The following WDR26 variants were observed in gnomAD, a reference collection of about 807,000 sequenced individuals.
The protein encoded by WDR26 is WD repeat-containing protein 26.
Under a neutral mutation model 84.1 loss-of-function variants are expected in WDR26, and 5 were observed. The observed-to-expected ratio is 0.06, with a 90% CI of 0.03 to 0.13. The LOEUF (loss-of-function observed/expected upper bound fraction) is 0.13, where lower values mean the gene tolerates loss of function less well. Ranked by LOEUF, WDR26 falls within the 10% of genes least tolerant of loss-of-function variation. The probability of loss-of-function intolerance (pLI) is 1.00; values close to 1 mark genes in which losing one functional copy is unlikely to be tolerated. For synonymous variants in WDR26, 415 were observed against 389.6 expected (o/e 1.07, Z -0.77); for missense variants, 642 against 974.9 (o/e 0.66, Z 4.55).
chr1:224,417,824 C>T (rs935509191), intron 6 of WDR26, among the ~76,000 whole-genome samples: 1 of 152,166 alleles, frequency 6.6e-6, no homozygotes, highest in Non-Finnish European at 1.5e-5. Flanking sequence ...TGAATTCTTA[C>T]AAGTTAAATT....
intron 1 of WDR26, among the ~76,000 whole-genome samples, chr1:224,432,901 G>C (rs1009802247): frequency 1.2e-4 from 18 of 152,082 alleles, no homozygotes; most frequent in African/African-American, 4.4e-4. Flanking sequence ...GTCCAAGGTC[G>C]CTGTCTACCT....
At chr1:224,400,671 G>A (rs35169600) in intron 9 of WDR26, among the ~76,000 whole-genome samples, 43,658 of 151,872 alleles carry the variant, frequency 0.29, 7,865 homozygotes, top group African/African-American at 0.5. Context: ...TCAGCCTCCC[G>A]AGTAGCTGGG....
intron 4 of WDR26, 135 bp from the exon 5 acceptor site, chr1:224,419,750 A>G: frequency 1.6e-6 from 1 of 641,940 alleles, no homozygotes; most frequent in East Asian, 2.8e-5. Flanking sequence ...GACTCAATTC[A>G]TTAATATAAT....
chr1:224,420,969 T>C (rs1674044868), intron 4 of WDR26, among the ~76,000 whole-genome samples: 1 of 152,232 alleles, frequency 6.6e-6, no homozygotes, highest in Non-Finnish European at 1.5e-5. Context: ...TCAATAATTA[T>C]ATTTTAAAAT....
At chr1:224,407,486 C>CATAT (rs35396542) in intron 7 of WDR26, among the ~76,000 whole-genome samples, 4,298 of 143,034 alleles carry the variant, frequency 0.03, 237 homozygotes, top group African/African-American at 0.1. Flanking sequence ...TCAAAAAGGG[C>CATAT]ATATATATAT....
chr1:224,424,773 A>G (rs892372879), intron 3 of WDR26, 119 bp from the exon 4 acceptor site: 2 of 1,326,862 alleles, frequency 1.5e-6, no homozygotes, highest in African/African-American at 2.9e-5. Flanking sequence ...AACTTTTTAT[A>G]AAGCTTCAAG....
intron 3 of WDR26, among the ~76,000 whole-genome samples, chr1:224,425,182 T>C (rs1453594329): frequency 6.6e-6 from 1 of 152,216 alleles, no homozygotes; most frequent in Non-Finnish European, 1.5e-5. Flanking sequence ...GAGAAAAGTA[T>C]ATTTTGGCTT....
Position 224,434,352 on chromosome 1 carries a change from C to G in WDR26, c.54G>C (p.Ser18=). The G allele has an allele frequency of 8.2e-7, 1 of 1,219,266 alleles. No homozygotes were observed. The highest frequency in any genetic ancestry group is 1.0e-6 in the Non-Finnish European group (1 of 981,248). 75.5% of individuals were successfully genotyped at this position (1,219,266 alleles called of 1,614,324 possible). Residue 18 remains serine, a synonymous_variant, in exon 1 of 14, where the codon TCG becomes TCC. Coordinates refer to ENST00000414423, the MANE Select transcript of WDR26 (RefSeq NM_001379403.1). ...GGGGCGGGGAGGCTCCGCCGGTGTC[C>G]GAGTCGGAGGAGGAGGAAGCGGAGG...
intron 4 of WDR26, among the ~76,000 whole-genome samples, chr1:224,420,272 T>C (rs1427944943): frequency 6.6e-6 from 1 of 152,204 alleles, no homozygotes; most frequent in Non-Finnish European, 1.5e-5. Flanking sequence ...AATGCTAAAG[T>C]TCACAGATTC....
chr1:224,433,910 C>T lies in WDR26; in HGVS notation c.496G>A (p.Ala166Thr), dbSNP rs1572227004. ...AGGCTGTTGCTATTGTTGCTGGCGGCGGAGGGGGCGGAAGGCAGGAGCCCA... is the reference window on the plus strand; with the variant it reads ...AGGCTGTTGCTATTGTTGCTGGCGGTGGAGGGGGCGGAAGGCAGGAGCCCA... Residue 166 changes from alanine to threonine, a missense_variant, in exon 1 of 14, where the codon GCC becomes ACC. Around this residue, in one of 2 missense-constraint regions of WDR26, gnomAD observed 291 missense variants for 302.1 expected, o/e 0.96. Coordinates refer to ENST00000414423, the MANE Select transcript of WDR26 (RefSeq NM_001379403.1). The T allele has an allele frequency of 2.0e-6, 3 of 1,536,586 alleles. No homozygotes were observed. The highest frequency in any genetic ancestry group is 2.6e-6 in the Non-Finnish European group (3 of 1,146,672).
At chr1:224,390,608 C>G (rs1352429255) in intron 13 of WDR26, among the ~76,000 whole-genome samples, 1 of 152,138 alleles carries the variant, frequency 6.6e-6, no homozygotes, top group Non-Finnish European at 1.5e-5. Flanking sequence ...TCATCCTACT[C>G]CATTTTTTTG....
At chr1:224,407,371 A>T (rs1673611646) in intron 7 of WDR26, among the ~76,000 whole-genome samples, 2 of 148,378 alleles carry the variant, frequency 1.3e-5, no homozygotes, top group Admixed American at 1.3e-4. Context: ...TTTTTTAGGC[A>T]AAGAAAAACT....
At chr1:224,433,609 CGCCCCTTCCCCTA>C in intron 1 of WDR26, 62 bp downstream of exon 1, 1 of 750,714 alleles carries the variant, frequency 1.3e-6, no homozygotes, top group Non-Finnish European at 1.8e-6. Context: ...CTCCCCCCTC[CGCCCCTTCCCCTA>C]CCCCCCTGGA....
rs193089764 is a variant in WDR26, at chr1:224,404,699, C to G, written c.1459-129G>C. ...CTGAGGAAATTTTCAGACCAATTTT[C>G]CCTTTAACAGCTTGCTTCATAAAGA... On this transcript the variant is annotated intron_variant, in intron 7 of 13. Transcript: ENST00000414423. 7.2e-5 allele frequency: 81 copies of G among 1,123,538 alleles called. No homozygotes were observed. In the African/African-American group the frequency reaches 1.1e-3, roughly 15 times the overall value. The allele number at this position is 1,123,538 out of a possible 1,614,324, so 69.6% of individuals were successfully genotyped here.
chr1:224,418,458 C>T (rs1673968877), intron 5 of WDR26, 42 bp from the exon 6 acceptor site: 2 of 1,531,934 alleles, frequency 1.3e-6, no homozygotes, highest in Non-Finnish European at 1.8e-6. Context: ...TAATAATAAA[C>T]TGTAAACTTT....
chr1:224,398,661 T>C (rs1673326100), intron 10 of WDR26, 68 bp from the exon 11 acceptor site: 4 of 1,397,984 alleles, frequency 2.9e-6, no homozygotes, highest in Non-Finnish European at 4.0e-6. Context: ...TATCAATACA[T>C]AAGATGTGCT....
At chr1:224,430,936 A>G (rs1332021951) in intron 3 of WDR26, 1 of 152,854 alleles carries the variant, frequency 6.5e-6, no homozygotes, top group African/African-American at 2.4e-5. Context: ...ATCTGCACAC[A>G]AACCCTCCAC....
rs1019159446 is a variant in WDR26, at chr1:224,385,635, T to C, written c.*4200A>G. The C allele has an allele frequency of 1.3e-5, 2 of 152,664 alleles. No homozygotes were observed. Among genetic ancestry groups the C allele is most frequent in the Non-Finnish European group, 2.9e-5 (2 of 68,040 alleles). 9.5% of individuals were successfully genotyped at this position (152,664 alleles called of 1,614,324 possible). ...ATCTTGAGATCAACACTTAAGTTCTTTTCTTGATCTCTACAGCTTGGTTTG... is the reference window on the plus strand; with the variant it reads ...ATCTTGAGATCAACACTTAAGTTCTCTTCTTGATCTCTACAGCTTGGTTTG... On this transcript the variant is annotated 3_prime_UTR_variant, in exon 14 of 14. Coordinates refer to ENST00000414423, the MANE Select transcript of WDR26 (RefSeq NM_001379403.1).
At chr1:224,431,858 A>T (rs1004662497) in intron 1 of WDR26, 77 bp from the exon 2 acceptor site, 53 of 1,183,384 alleles carry the variant, frequency 4.5e-5, no homozygotes, top group Non-Finnish European at 5.8e-5. Flanking sequence ...AATGTCCATG[A>T]AAACAGATGC....
Sources: gnomAD v4.1 joint callset for allele counts (sites outside exome capture counted in the v4.1 genomes callset) on GRCh38, gnomAD v4.1.1 for gene constraint, gnomAD v4.1.1 regional missense constraint, MANE v1.5 for transcripts, NCBI Gene and HGNC (gene_info 2026-07-23, HGNC 2026-07-21) for gene names.